Variants in MACROD2 observed in about 807,000 individuals in gnomAD.
The protein encoded by MACROD2 is mono-ADP ribosylhydrolase 2.
MACROD2 carries 36 observed loss-of-function variants against 70.4 expected under a neutral mutation model. The observed-to-expected ratio is 0.51, with a 90% CI of 0.39 to 0.68. MACROD2 has a LOEUF of 0.68. Among genes scored for constraint, MACROD2 ranks in the 30% least tolerant of loss-of-function variants. The pLI, the probability that MACROD2 is intolerant of heterozygous loss-of-function variation, is 0.00. For missense variants in MACROD2, 496 were observed against 538.4 expected, an observed-to-expected ratio of 0.92 and a Z score of 0.78; for synonymous variants, 172 against 178.8, an observed-to-expected ratio of 0.96 and a Z score of 0.30.
chr20:14,110,210 G>A (rs1344753745), intron 3 of MACROD2, among the ~76,000 whole-genome samples: 2 of 151,778 alleles, frequency 1.3e-5, no homozygotes, highest in African/African-American at 4.8e-5. Context: ...AAAAAAACTC[G>A]GTATAGAAGG....
chr20:14,335,369 C>T (rs2082917725), intron 3 of MACROD2, among the ~76,000 whole-genome samples: 1 of 152,178 alleles, frequency 6.6e-6, no homozygotes, highest in Non-Finnish European at 1.5e-5. Flanking sequence ...GTCTGACAGC[C>T]ACAAGATTTC....
intron 5 of MACROD2, among the ~76,000 whole-genome samples, chr20:15,017,435 G>A (rs1037927144): frequency 4.6e-5 from 7 of 152,124 alleles, no homozygotes; most frequent in African/African-American, 1.4e-4. Context: ...CTGCTTTCAC[G>A]GGCTGGCATT....
At chr20:14,672,955 A>G (rs961449550) in intron 4 of MACROD2, among the ~76,000 whole-genome samples, 2 of 152,126 alleles carry the variant, frequency 1.3e-5, no homozygotes, top group Admixed American at 1.3e-4. Flanking sequence ...GTTTCAGTGC[A>G]TTTTTTCATC....
intron 6 of MACROD2, among the ~76,000 whole-genome samples, chr20:15,283,604 A>C (rs2077465502): frequency 1.3e-5 from 2 of 152,122 alleles, no homozygotes; most frequent in South Asian, 4.1e-4. Flanking sequence ...CCTGGGAGGC[A>C]GAGGTTGCAG....
chr20:14,348,248 G>A (rs953340870), intron 3 of MACROD2, among the ~76,000 whole-genome samples: 7 of 144,056 alleles, frequency 4.9e-5, no homozygotes, highest in African/African-American at 1.6e-4. Context: ...CAACCTAGGC[G>A]TCAGAGCAAG....
chr20:14,618,790 T>C (rs1287248358), intron 4 of MACROD2, among the ~76,000 whole-genome samples: 1 of 152,116 alleles, frequency 6.6e-6, no homozygotes, highest in African/African-American at 2.4e-5. Flanking sequence ...ATATGGTAAA[T>C]AACAGAGCCT....
rs565543382 is a variant in MACROD2, at chr20:14,332,382, A to G, written c.272-161097A>G. On this transcript the variant is annotated intron_variant, in intron 3 of 17. Coordinates refer to ENST00000684519, the MANE Select transcript of MACROD2 (RefSeq NM_001351661.2). ...AAATCAAGAGCTTGCGGCAATCTAC[A>G]TGTTTATGTGATTTCTTCCCTGCTA... 3.9e-5 allele frequency among the ~76,000 whole-genome samples: 6 copies of G among 152,196 alleles called. No individual in the cohort carries two copies. In the East Asian group the frequency reaches 7.7e-4, roughly 20 times the overall value.
chr20:15,359,711 A>G (rs1263397106), intron 6 of MACROD2, among the ~76,000 whole-genome samples: 1 of 152,112 alleles, frequency 6.6e-6, no homozygotes, highest in Non-Finnish European at 1.5e-5. Context: ...GTCACTAATT[A>G]AAAGAGAATT....
At chr20:14,780,454 C>T (rs1168785403) in intron 5 of MACROD2, among the ~76,000 whole-genome samples, 4 of 150,656 alleles carry the variant, frequency 2.7e-5, no homozygotes, top group South Asian at 2.1e-4. Flanking sequence ...CCCAGCTACT[C>T]GGGAGGCTGA....
intron 8 of MACROD2, among the ~76,000 whole-genome samples, chr20:15,692,188 C>G (rs74455532): frequency 6.6e-6 from 1 of 152,032 alleles, no homozygotes; most frequent in Non-Finnish European, 1.5e-5. Context: ...GCCTGCCATG[C>G]GGTAGGCACT....
chr20:15,501,892 A>G (rs1480405035), intron 8 of MACROD2, among the ~76,000 whole-genome samples: 1 of 152,206 alleles, frequency 6.6e-6, no homozygotes, highest in African/African-American at 2.4e-5. Context: ...GACTTATAAA[A>G]GAGTATTGCT....
At chr20:15,173,545 C>T (rs1190199132) in intron 5 of MACROD2, among the ~76,000 whole-genome samples, 2 of 152,180 alleles carry the variant, frequency 1.3e-5, no homozygotes, top group African/African-American at 4.8e-5. Context: ...ACCTTCATCA[C>T]ATCACTCTTG....
chr20:15,234,842 C>T (rs371940077), intron 6 of MACROD2, among the ~76,000 whole-genome samples: 6 of 152,120 alleles, frequency 3.9e-5, no homozygotes, highest in East Asian at 1.9e-4. Context: ...AATATCACCA[C>T]GCACTGATGG....
intron 5 of MACROD2, among the ~76,000 whole-genome samples, chr20:14,977,714 T>C (rs2074754476): frequency 6.6e-6 from 1 of 152,008 alleles, no homozygotes; most frequent in Non-Finnish European, 1.5e-5. Context: ...AGAATGGCGA[T>C]GATGATGGCA....
chr20:14,733,559 A>G (rs991206477), intron 5 of MACROD2, among the ~76,000 whole-genome samples: 1 of 152,202 alleles, frequency 6.6e-6, no homozygotes, highest in African/African-American at 2.4e-5. Context: ...GAGAAGAATT[A>G]CAGCATAGCA....
chr20:14,485,463 A>G (rs2084712236), intron 3 of MACROD2, among the ~76,000 whole-genome samples: 1 of 152,216 alleles, frequency 6.6e-6, no homozygotes, highest in Non-Finnish European at 1.5e-5. Flanking sequence ...GCACTTTGGG[A>G]GGCTGAGGCG....
chr20:15,372,183 A>AG (rs1568756958), intron 6 of MACROD2, among the ~76,000 whole-genome samples: 1 of 152,238 alleles, frequency 6.6e-6, no homozygotes, highest in Non-Finnish European at 1.5e-5. Context: ...GTAGCATAAC[A>AG]GGGAACATCT....
intron 8 of MACROD2, among the ~76,000 whole-genome samples, chr20:15,682,668 T>A (rs2050175845): frequency 6.6e-6 from 1 of 152,190 alleles, no homozygotes; most frequent in Non-Finnish European, 1.5e-5. Flanking sequence ...AACAACACAT[T>A]TAAAATTTTA....
chr20:14,620,200 GC>G (rs1983750225), intron 4 of MACROD2, among the ~76,000 whole-genome samples: 1 of 151,930 alleles, frequency 6.6e-6, no homozygotes, highest in Non-Finnish European at 1.5e-5. Context: ...AGGATGATGT[GC>G]CACTTCCATG....
Sources: allele counts gnomAD v4.1 joint callset (sites outside exome capture counted in the v4.1 genomes callset), GRCh38; gene constraint gnomAD v4.1.1; transcripts MANE v1.5; gene names NCBI Gene and HGNC (gene_info 2026-07-23, HGNC 2026-07-21).